CHAT: variants seen among roughly 807,000 people sequenced by gnomAD.
CHAT encodes acetyl CoA:choline O-acetyltransferase.
Under a neutral mutation model 76.9 loss-of-function variants are expected in CHAT, and 61 were observed. That is an observed-to-expected ratio of 0.79 (90% CI 0.65 to 0.98). CHAT has a LOEUF of 0.98. Among genes scored for constraint, CHAT ranks in the 50% least tolerant of loss-of-function variants. CHAT has a pLI of 0.00. For synonymous variants in CHAT, 407 were observed against 397.4 expected (o/e 1.02, Z -0.29); for missense variants, 946 against 986.9 (o/e 0.96, Z 0.56).
At chr10:49,620,024 AGATGAGGGACAGGGATGGGG>A in intron 3 of CHAT, 108 bp downstream of exon 3, 1 of 1,137,388 alleles carries the variant, frequency 8.8e-7, no homozygotes, top group South Asian at 1.5e-5. Flanking sequence ...GCAGAAGGAG[AGATGAGGGACAGGGATGGGG>A]GATAGGTGTG....
intron 7 of CHAT, among the ~76,000 whole-genome samples, chr10:49,635,032 C>T (rs760048166): frequency 1.3e-4 from 20 of 152,106 alleles, no homozygotes; most frequent in Non-Finnish European, 2.8e-4. Context: ...AGTCAAGATA[C>T]GGAACATTCC....
At chr10:49,631,172 T>G (rs1444701295) in intron 7 of CHAT, among the ~76,000 whole-genome samples, 1 of 152,148 alleles carries the variant, frequency 6.6e-6, no homozygotes, top group Non-Finnish European at 1.5e-5. Flanking sequence ...AGGAAGTGTG[T>G]TCAAGTCTGC....
At chr10:49,641,488 A>G (rs10508915) in intron 7 of CHAT, among the ~76,000 whole-genome samples, 14,587 of 152,258 alleles carry the variant, frequency 0.096, 961 homozygotes, top group Non-Finnish European at 0.14. Flanking sequence ...GATGTAACTC[A>G]AGTCAAAGCA....
chr10:49,612,206 C>A, upstream of CHAT: 7 of 1,609,198 alleles, frequency 4.3e-6, no homozygotes, highest in Non-Finnish European at 5.9e-6. Context: ...CTTGATGAGC[C>A]ACCGCAAGGT....
chr10:49,665,095 G>C lies in CHAT; in HGVS notation c.*49G>C. ...CCAAACCCAGCCTCTAGAACAGCCA[G>C]ACCCTGCAGATCCCCACTCCCGTCC... is the stretch of plus-strand genomic sequence containing the variant. On this transcript the variant is annotated 3_prime_UTR_variant, in exon 15 of 15. Transcript: ENST00000337653. 1 of 1,605,300 alleles carries C rather than the reference G, an allele frequency of 6.2e-7. No homozygotes were observed. Among genetic ancestry groups the C allele is most frequent in the Non-Finnish European group, 8.5e-7 (1 of 1,174,550 alleles).
chr10:49,652,031 T>C (rs374863641), intron 11 of CHAT, 25 bp downstream of exon 11: 1 of 1,614,066 alleles, frequency 6.2e-7, no homozygotes, highest in African/African-American at 1.3e-5. Context: ...AGTGAGTCTG[T>C]ACCCTGGAGG....
chr10:49,626,381 G>C (rs1431702201), intron 6 of CHAT, among the ~76,000 whole-genome samples: 1 of 152,194 alleles, frequency 6.6e-6, no homozygotes, highest in Non-Finnish European at 1.5e-5. Flanking sequence ...AAACAGTTTT[G>C]TTTTTGTTTT....
rs778636468 is a variant in CHAT, at chr10:49,614,447, G to C, written c.258G>C (p.Ser86=). ...AHTPEWCGAA[S]AEAAEPRRAG... Reference sequence around the variant, plus strand: ...CTCCTGAGTGGTGCGGTGCAGCGTCGGCCGAGGCAGCAGAGCCGAGGAGAG... The same window carrying C: ...CTCCTGAGTGGTGCGGTGCAGCGTCCGCCGAGGCAGCAGAGCCGAGGAGAG... The change falls in exon 1 of 15, where the codon TCG becomes TCC. Residue 86 remains serine, a synonymous_variant. Coordinates refer to ENST00000337653, the MANE Select transcript of CHAT (RefSeq NM_020549.5). 13 of 1,547,738 alleles carry C rather than the reference G, an allele frequency of 8.4e-6. No homozygotes were observed. The highest frequency in any genetic ancestry group is 4.8e-5 in the South Asian group (4 of 84,000).
upstream of CHAT, chr10:49,611,363 C>A (rs374160245): frequency 1.2e-6 from 2 of 1,600,202 alleles, no homozygotes; most frequent in East Asian, 2.2e-5. Flanking sequence ...CCGGAGGAGC[C>A]GGAGCGCAGT....
At chr10:49,612,083 T>C, upstream of CHAT, 1 of 1,613,586 alleles carries the variant, frequency 6.2e-7, no homozygotes, top group Non-Finnish European at 8.5e-7. Flanking sequence ...TCGCTGGGCT[T>C]TGAGCAGCTC....
chr10:49,649,978 T>A (rs1262394924), intron 10 of CHAT, among the ~76,000 whole-genome samples: 1 of 149,196 alleles, frequency 6.7e-6, no homozygotes, highest in Non-Finnish European at 1.5e-5. Flanking sequence ...TTTGAATAGG[T>A]CATTTGAATT....
At chr10:49,618,769 C>A (rs1233711447) in intron 2 of CHAT, among the ~76,000 whole-genome samples, 1 of 152,174 alleles carries the variant, frequency 6.6e-6, no homozygotes, top group Non-Finnish European at 1.5e-5. Flanking sequence ...TAGACTCTAG[C>A]CACACTTTGG....
In CHAT at chr10:49,621,101, G is replaced by A. The variant is rs191585189; in HGVS notation, c.698+488G>A. Among the ~76,000 whole-genome samples, 653 of 152,370 alleles carry A rather than the reference G, an allele frequency of 4.3e-3. 3 individuals are homozygous for A. Among genetic ancestry groups the A allele is most frequent in the African/African-American group, 0.011 (474 of 41,602 alleles). ...CTGTAATTTCAGAGCTCACTGAGCC[G>A]TTGGAAGGGCCTCTGGCCGCTAATG... On this transcript the variant is annotated intron_variant, in intron 4 of 14. Transcript: ENST00000337653.
intron 14 of CHAT, among the ~76,000 whole-genome samples, chr10:49,663,648 G>A (rs1840267689): frequency 1.3e-5 from 2 of 152,304 alleles, no homozygotes; most frequent in South Asian, 4.1e-4. Context: ...GGTTTAGGAG[G>A]GGAAATGCCC....
At chr10:49,654,997 G>T in intron 11 of CHAT, 98 bp from the exon 12 acceptor site, 8 of 1,216,276 alleles carry the variant, frequency 6.6e-6, no homozygotes, top group Middle Eastern at 1.9e-4. Flanking sequence ...TCAAGTCAGG[G>T]CTGTGAAAAT....
intron 2 of CHAT, among the ~76,000 whole-genome samples, chr10:49,617,579 T>C (rs1376183058): frequency 6.6e-6 from 1 of 152,192 alleles, no homozygotes; most frequent in Non-Finnish European, 1.5e-5. Flanking sequence ...CCACTGCTGA[T>C]TCCCTGTTAG....
At chr10:49,610,034 A>G (rs1838247705), upstream of CHAT, among the ~76,000 whole-genome samples, 1 of 148,944 alleles carries the variant, frequency 6.7e-6, no homozygotes, top group African/African-American at 2.4e-5. Flanking sequence ...GGGGGCAGGC[A>G]GGGGGCGGGG....
chr10:49,615,138 T>G (rs1217641010), intron 1 of CHAT, among the ~76,000 whole-genome samples: 3 of 139,098 alleles, frequency 2.2e-5, no homozygotes, highest in African/African-American at 8.2e-5. Context: ...CCCTGAAGCC[T>G]GACTAGTGTC....
chr10:49,660,895 A>T (rs1590626612), intron 13 of CHAT, among the ~76,000 whole-genome samples: 1 of 152,192 alleles, frequency 6.6e-6, no homozygotes, highest in African/African-American at 2.4e-5. Context: ...ATAACTGGTA[A>T]GCATATTTGC....
Sources: allele counts gnomAD v4.1 joint callset (sites outside exome capture counted in the v4.1 genomes callset), GRCh38; gene constraint gnomAD v4.1.1; transcripts MANE v1.5; gene names NCBI Gene and HGNC (gene_info 2026-07-23, HGNC 2026-07-21).